DTD1: variants seen among roughly 807,000 people sequenced by gnomAD.
The protein encoded by DTD1 is D-aminoacyl-tRNA deacylase 1.
DTD1 carries 13 observed loss-of-function variants against 25.6 expected under a neutral mutation model. The ratio of observed to expected loss-of-function variants is 0.51; its 90% CI spans 0.33 to 0.81. DTD1 has a LOEUF of 0.81. Ranked by LOEUF, DTD1 falls within the 30% of genes least tolerant of loss-of-function variation. The pLI, the probability that DTD1 is intolerant of heterozygous loss-of-function variation, is 0.02. For synonymous variants in DTD1, 110 were observed against 103.6 expected, an observed-to-expected ratio of 1.06 and a Z score of -0.37; for missense variants, 193 against 266.4, an observed-to-expected ratio of 0.72 and a Z score of 1.92.
In DTD1 at chr20:18,638,235, C is replaced by T. The variant is rs6136449; in HGVS notation, c.477+10002C>T. Among the ~76,000 whole-genome samples, 10 of 151,740 alleles carry T rather than the reference C, an allele frequency of 6.6e-5. No individual in the cohort carries two copies. The East Asian group carries it at 1.7e-3, about 26-fold the overall frequency. Reference sequence around the variant, plus strand: ...TCCATCTATCCATCCACTCACCTGTCCACTACCTACTCATCCAATACCTTT... The same window carrying T: ...TCCATCTATCCATCCACTCACCTGTTCACTACCTACTCATCCAATACCTTT... On this transcript the variant is annotated intron_variant, in intron 4 of 5. Transcript: ENST00000377452.
intron 4 of DTD1, among the ~76,000 whole-genome samples, chr20:18,734,062 A>G (rs1483127930): frequency 6.6e-6 from 1 of 152,252 alleles, no homozygotes; most frequent in Non-Finnish European, 1.5e-5. Flanking sequence ...TTATTCACAT[A>G]TAAATTCCAA....
At chr20:18,743,847 G>A (rs1319747575) in intron 4 of DTD1, among the ~76,000 whole-genome samples, 1 of 152,176 alleles carries the variant, frequency 6.6e-6, no homozygotes, top group Non-Finnish European at 1.5e-5. Context: ...CTCATACTGT[G>A]TGCCAAGTTG....
intron 4 of DTD1, among the ~76,000 whole-genome samples, chr20:18,721,959 C>T (rs1486660460): frequency 6.6e-6 from 1 of 152,148 alleles, no homozygotes; most frequent in Admixed American, 6.5e-5. Flanking sequence ...CAGGCCGCTC[C>T]CCAGAATTAA....
At chr20:18,693,022 C>T (rs975308275) in intron 4 of DTD1, among the ~76,000 whole-genome samples, 1 of 151,322 alleles carries the variant, frequency 6.6e-6, no homozygotes, top group Non-Finnish European at 1.5e-5. Flanking sequence ...TCCCGAGTAG[C>T]TGGGATTACA....
Position 18,596,244 on chromosome 20 carries a change from A to G in DTD1, c.370+3A>G, listed in dbSNP as rs1488976311. 3 of 1,612,618 alleles carry G rather than the reference A, an allele frequency of 1.9e-6. No individual in the cohort carries two copies. The highest frequency in any genetic ancestry group is 1.1e-5 in the South Asian group (1 of 90,974). The stretch of plus-strand genomic sequence containing the variant: ...ATACAGGCCGGAGCTTATCAAAGGT[A>G]AGCAGGAGAGCCACATCCAGGAACG... On this transcript the variant is annotated splice_donor_region_variant and intron_variant, in intron 3 of 5. Transcript: ENST00000377452.
At chr20:18,658,737 T>C (rs2060899075) in intron 4 of DTD1, among the ~76,000 whole-genome samples, 1 of 152,244 alleles carries the variant, frequency 6.6e-6, no homozygotes, top group African/African-American at 2.4e-5. Context: ...AATGTTTATC[T>C]GTTTCACAGA....
chr20:18,660,356 A>G (rs1490287209), intron 4 of DTD1, among the ~76,000 whole-genome samples: 2 of 152,024 alleles, frequency 1.3e-5, no homozygotes, highest in Non-Finnish European at 2.9e-5. Flanking sequence ...AGTAGCTGGG[A>G]CTATAGGTGC....
At chr20:18,666,873 C>G (rs535137065) in intron 4 of DTD1, among the ~76,000 whole-genome samples, 1 of 152,150 alleles carries the variant, frequency 6.6e-6, no homozygotes, top group Admixed American at 6.5e-5. Context: ...TAGTTTCCAA[C>G]CCCTATAAAT....
intron 4 of DTD1, among the ~76,000 whole-genome samples, chr20:18,664,013 C>T (rs1251810199): frequency 6.6e-6 from 1 of 152,194 alleles, no homozygotes; most frequent in Non-Finnish European, 1.5e-5. Flanking sequence ...ATATCACCTA[C>T]TGTACAGGTT....
chr20:18,632,602 CA>C (rs1380103612), intron 4 of DTD1: 2 of 984,420 alleles, frequency 2.0e-6, no homozygotes, highest in Non-Finnish European at 2.4e-6. Context: ...TTTTAATTCT[CA>C]GTGTTTTATT....
At chr20:18,611,417 T>C (rs1364141777) in intron 3 of DTD1, among the ~76,000 whole-genome samples, 1 of 152,226 alleles carries the variant, frequency 6.6e-6, no homozygotes, top group Non-Finnish European at 1.5e-5. Flanking sequence ...AAATGCTAAA[T>C]ACATTTTCTT....
chr20:18,663,885 C>T (rs1302007240), intron 4 of DTD1, among the ~76,000 whole-genome samples: 2 of 152,176 alleles, frequency 1.3e-5, no homozygotes, highest in East Asian at 1.9e-4. Context: ...ATGAGAACAG[C>T]GTGGGGGAAA....
chr20:18,728,412 G>A (rs147435420), intron 4 of DTD1, among the ~76,000 whole-genome samples: 64 of 152,298 alleles, frequency 4.2e-4, no homozygotes, highest in African/African-American at 1.3e-3. Flanking sequence ...CTAGCCCAGC[G>A]CTTCCTAAAG....
chr20:18,612,029 T>G (rs1051789822), intron 3 of DTD1, among the ~76,000 whole-genome samples: 98 of 126,762 alleles, frequency 7.7e-4, no homozygotes, highest in Non-Finnish European at 1.1e-3. Flanking sequence ...TAATTAATTT[T>G]TGTGTTTTTT....
intron 5 of DTD1, among the ~76,000 whole-genome samples, chr20:18,748,142 C>T (rs986675862): frequency 4.0e-5 from 6 of 151,590 alleles, no homozygotes; most frequent in Non-Finnish European, 8.8e-5. Context: ...GCAACCAGAC[C>T]CAGATTATCA....
intron 4 of DTD1, among the ~76,000 whole-genome samples, chr20:18,677,203 G>A (rs972540731): frequency 1.1e-4 from 16 of 152,064 alleles, no homozygotes; most frequent in African/African-American, 3.6e-4. Flanking sequence ...AATGGTTTGA[G>A]TTTTCACTGT....
At chr20:18,617,942 C>T (rs2060715790) in intron 3 of DTD1, among the ~76,000 whole-genome samples, 1 of 151,980 alleles carries the variant, frequency 6.6e-6, no homozygotes, top group African/African-American at 2.4e-5. Context: ...GTGTACTGTT[C>T]TGTGGCAGGA....
At chr20:18,714,421 A>T (rs193202624) in intron 4 of DTD1, among the ~76,000 whole-genome samples, 10 of 152,258 alleles carry the variant, frequency 6.6e-5, no homozygotes, top group Admixed American at 2.0e-4. Flanking sequence ...TGCTATGGGG[A>T]TAATTCTCTT....
chr20:18,640,629 ATTTT>A (rs61085364), intron 4 of DTD1, among the ~76,000 whole-genome samples: 1 of 140,304 alleles, frequency 7.1e-6, no homozygotes, highest in Non-Finnish European at 1.5e-5. Flanking sequence ...TATCTGCAGA[ATTTT>A]TTTTTTTTTT....
Sources: allele counts gnomAD v4.1 joint callset (sites outside exome capture counted in the v4.1 genomes callset), GRCh38; gene constraint gnomAD v4.1.1; transcripts MANE v1.5; gene names NCBI Gene and HGNC (gene_info 2026-07-23, HGNC 2026-07-21).